Variants in DAB2 observed in about 807,000 individuals in gnomAD.
DAB2 encodes the protein DAB adaptor protein 2, also known as disabled homolog 2.
DAB2 carries 28 observed loss-of-function variants against 71.6 expected under a neutral mutation model. The observed-to-expected ratio is 0.39, with a 90% CI of 0.29 to 0.54. The LOEUF (loss-of-function observed/expected upper bound fraction) is 0.54, where lower values mean the gene tolerates loss of function less well. Among genes scored for constraint, DAB2 ranks in the 20% least tolerant of loss-of-function variants. The probability of loss-of-function intolerance (pLI) is 0.68; values close to 1 mark genes in which losing one functional copy is unlikely to be tolerated. For missense variants in DAB2, 867 were observed against 928.8 expected (o/e 0.93, Z 0.86); for synonymous variants, 345 against 339.7 (o/e 1.02, Z -0.17).
chr5:39,405,531 G>A (rs1755590996), intron 1 of DAB2, among the ~76,000 whole-genome samples: 1 of 152,174 alleles, frequency 6.6e-6, no homozygotes, highest in African/African-American at 2.4e-5. Context: ...TTTACATCAG[G>A]GACCATTTGG....
chr5:39,399,109 G>A (rs1731945532), intron 1 of DAB2, among the ~76,000 whole-genome samples: 2 of 152,164 alleles, frequency 1.3e-5, no homozygotes, highest in Admixed American at 6.5e-5. Flanking sequence ...TTAAGCAATG[G>A]GGTCTGTTTG....
At chr5:39,407,061 C>T (rs1755624887) in intron 1 of DAB2, among the ~76,000 whole-genome samples, 1 of 152,192 alleles carries the variant, frequency 6.6e-6, no homozygotes, top group East Asian at 1.9e-4. Flanking sequence ...AGGCAACGCA[C>T]TCACACCATT....
At chr5:39,393,635 T>C (rs904944345) in intron 2 of DAB2, among the ~76,000 whole-genome samples, 11 of 152,160 alleles carry the variant, frequency 7.2e-5, no homozygotes, top group Non-Finnish European at 1.2e-4. Flanking sequence ...GACAGCGTTA[T>C]GGGAAACGTA....
intron 1 of DAB2, among the ~76,000 whole-genome samples, chr5:39,414,683 G>T (rs1755808198): frequency 7.0e-6 from 1 of 143,578 alleles, no homozygotes; most frequent in African/African-American, 2.6e-5. Context: ...TATGGATATT[G>T]CTCATTATAA....
chr5:39,403,146 C>T (rs1391641240), intron 1 of DAB2, among the ~76,000 whole-genome samples: 1 of 152,034 alleles, frequency 6.6e-6, no homozygotes, highest in Non-Finnish European at 1.5e-5. Flanking sequence ...AAAGAAATAC[C>T]AAGTGGGTTA....
chr5:39,394,382 G>T lies in DAB2; in HGVS notation c.-62C>A. ...ACACTTGGTGACACCAGGCGATCCC[G>T]ATGGAGAAGTCTCAAATAAACATAA... is the stretch of plus-strand genomic sequence containing the variant. On this transcript the variant is annotated 5_prime_UTR_variant, in exon 2 of 15. Transcript: ENST00000320816. The T allele has an allele frequency of 8.0e-7, 1 of 1,251,040 alleles. No individual in the cohort carries two copies. The highest frequency in any genetic ancestry group is 1.2e-6 in the Non-Finnish European group (1 of 850,032). 77.5% of individuals were successfully genotyped at this position (1,251,040 alleles called of 1,614,324 possible). A position where few individuals can be genotyped will look rare whatever the true frequency, so the allele number is the denominator to read the frequency against.
intron 1 of DAB2, among the ~76,000 whole-genome samples, chr5:39,406,930 A>C (rs1640962916): frequency 6.6e-6 from 1 of 152,162 alleles, no homozygotes; most frequent in Non-Finnish European, 1.5e-5. Context: ...GAAGAGAAGC[A>C]CTCTGGAACT....
At chr5:39,384,595 A>G (rs1042509844) in intron 9 of DAB2, among the ~76,000 whole-genome samples, 1 of 152,182 alleles carries the variant, frequency 6.6e-6, no homozygotes, top group African/African-American at 2.4e-5. Flanking sequence ...TCCCCTCTCT[A>G]TCATTTCTCT....
chr5:39,386,444 C>A (rs554502015), intron 9 of DAB2, among the ~76,000 whole-genome samples: 1 of 152,218 alleles, frequency 6.6e-6, no homozygotes, highest in African/African-American at 2.4e-5. Flanking sequence ...CTATTTTTGA[C>A]CTATGACTAT....
At chr5:39,420,441 T>C (rs1288133470) in intron 1 of DAB2, among the ~76,000 whole-genome samples, 1 of 151,804 alleles carries the variant, frequency 6.6e-6, no homozygotes, top group African/African-American at 2.4e-5. Flanking sequence ...CTCCCTTTAC[T>C]CTATGGTTAC....
chr5:39,380,299 C>T (rs1158984506), intron 11 of DAB2, among the ~76,000 whole-genome samples: 1 of 152,124 alleles, frequency 6.6e-6, no homozygotes, highest in Non-Finnish European at 1.5e-5. Context: ...CCTCCTCTGG[C>T]CACCCTATTC....
intron 1 of DAB2, among the ~76,000 whole-genome samples, chr5:39,412,034 C>T (rs1290771226): frequency 1.3e-5 from 2 of 151,980 alleles, no homozygotes; most frequent in Admixed American, 6.6e-5. Flanking sequence ...TTCCCTTCTC[C>T]GAGTCTGTCA....
At chr5:39,376,156 T>C in intron 12 of DAB2, 50 bp from the exon 13 acceptor site, 2 of 1,403,020 alleles carry the variant, frequency 1.4e-6, no homozygotes, top group Non-Finnish European at 2.0e-6. Context: ...TCCCCAAATA[T>C]AGGCCAGTCC....
rs1033034084 is a variant in DAB2 at position 39,383,065 on chromosome 5, A to G, written c.894T>C (p.Asp298=). 8.7e-6 allele frequency: 14 copies of G among 1,614,128 alleles called. No individual in the cohort carries two copies. The highest frequency in any genetic ancestry group is 1.7e-5 in the Admixed American group (1 of 60,028). Reference sequence around the variant, plus strand: ...TCGATTGGTCTGGCTGTGTGAAAGGATCGTCACGGAAAGGATCAGGATTAG... The same window carrying G: ...TCGATTGGTCTGGCTGTGTGAAAGGGTCGTCACGGAAAGGATCAGGATTAG... The part of the protein sequence containing the change: ...PTPNPDPFRD[D]PFTQPDQSTP... Residue 298 remains aspartate, a synonymous_variant, in exon 10 of 15, where the codon GAT becomes GAC. Transcript: ENST00000320816.
In DAB2 at chr5:39,377,307, T is replaced by A. The variant is rs765432917; in HGVS notation, c.1505-25A>T. ...CCTGAAGTAAGAGGAAGAAAAATAC[T>A]TATCAGGAGTCAAGCTTGAAGAAGA... On this transcript the variant is annotated intron_variant, in intron 11 of 14. Transcript: ENST00000320816. 1.9e-6 allele frequency: 3 copies of A among 1,589,608 alleles called. No homozygotes were observed. In the East Asian group the frequency reaches 6.7e-5, roughly 36 times the overall value.
chr5:39,411,330 T>A (rs186608853), intron 1 of DAB2, among the ~76,000 whole-genome samples: 1 of 152,182 alleles, frequency 6.6e-6, no homozygotes, highest in Non-Finnish European at 1.5e-5. Context: ...AGATGTTTCA[T>A]TAGCTTTTAT....
rs939023650 is a variant in DAB2, at chr5:39,394,381, C to T, written c.-61G>A. 7.9e-6 allele frequency: 10 copies of T among 1,269,000 alleles called. No individual in the cohort carries two copies. The highest frequency in any genetic ancestry group is 4.4e-5 in the African/African-American group (3 of 68,254). 78.6% of individuals were successfully genotyped at this position (1,269,000 alleles called of 1,614,324 possible). A position where few individuals can be genotyped will look rare whatever the true frequency, so the allele number is the denominator to read the frequency against. On this transcript the variant is annotated 5_prime_UTR_variant, in exon 2 of 15. Transcript: ENST00000320816. ...GACACTTGGTGACACCAGGCGATCC[C>T]GATGGAGAAGTCTCAAATAAACATA...
At chr5:39,420,453 T>G (rs1381692812) in intron 1 of DAB2, among the ~76,000 whole-genome samples, 2 of 152,210 alleles carry the variant, frequency 1.3e-5, no homozygotes, top group Admixed American at 1.3e-4. Context: ...TATGGTTACC[T>G]GAAAATCTAA....
At chr5:39,424,573 G>C (rs912363661) in intron 1 of DAB2, among the ~76,000 whole-genome samples, 7 of 151,248 alleles carry the variant, frequency 4.6e-5, no homozygotes, top group Admixed American at 1.3e-4. Context: ...ATCTGGAGTC[G>C]GATTCGAAAG....
Sources: allele counts gnomAD v4.1 joint callset (sites outside exome capture counted in the v4.1 genomes callset), GRCh38; gene constraint gnomAD v4.1.1; transcripts MANE v1.5; gene names NCBI Gene and HGNC (gene_info 2026-07-23, HGNC 2026-07-21).